AFF3: variants seen among roughly 807,000 people sequenced by gnomAD.
AFF3 encodes the protein ALF transcription elongation factor 3.
A neutral mutation model predicts 129.7 loss-of-function variants in AFF3; 32 were observed. The observed-to-expected ratio is 0.25, with a 90% confidence interval of 0.19 to 0.33. The LOEUF (loss-of-function observed/expected upper bound fraction) is 0.33, where lower values mean the gene tolerates loss of function less well. Ranked by LOEUF, AFF3 falls within the 10% of genes least tolerant of loss-of-function variation. AFF3 has a pLI of 1.00. For synonymous variants in AFF3, 644 were observed against 635.4 expected (o/e 1.01, Z -0.20); for missense variants, 1,373 against 1,592.0 (o/e 0.86, Z 2.34).
At chr2:99,972,812 T>C (rs1278962020) in intron 7 of AFF3, among the ~76,000 whole-genome samples, 1 of 152,164 alleles carries the variant, frequency 6.6e-6, no homozygotes, top group Non-Finnish European at 1.5e-5. Flanking sequence ...GAGGCAAAGA[T>C]ATGCCCCCAA....
At chr2:100,095,361 C>T (rs1259978018) in intron 4 of AFF3, among the ~76,000 whole-genome samples, 2 of 151,988 alleles carry the variant, frequency 1.3e-5, no homozygotes, top group East Asian at 1.9e-4. Context: ...AGTAATGTTG[C>T]ATATTACAAG....
intron 11 of AFF3, among the ~76,000 whole-genome samples, chr2:99,677,263 C>CAAAAAAA (rs386390727): frequency 9.5e-6 from 1 of 105,162 alleles, no homozygotes. Context: ...GACCCTGTCT[C>CAAAAAAA]AAAAAAAAAA....
intron 7 of AFF3, among the ~76,000 whole-genome samples, chr2:99,953,789 T>C (rs1676380457): frequency 6.6e-6 from 1 of 152,232 alleles, no homozygotes; most frequent in African/African-American, 2.4e-5. Flanking sequence ...ATCAGTGGGC[T>C]GGACACATGA....
intron 4 of AFF3, among the ~76,000 whole-genome samples, chr2:100,012,343 T>G (rs75209187): frequency 0.031 from 4,666 of 152,220 alleles, 231 homozygotes; most frequent in African/African-American, 0.1. Flanking sequence ...AGCTGCTTCT[T>G]AAAACTAACC....
At chr2:99,807,480 T>C (rs960542920) in intron 8 of AFF3, among the ~76,000 whole-genome samples, 2 of 152,148 alleles carry the variant, frequency 1.3e-5, no homozygotes, top group Non-Finnish European at 2.9e-5. Flanking sequence ...GGTGGAAAGG[T>C]CTTTTTGATA....
intron 14 of AFF3, among the ~76,000 whole-genome samples, chr2:99,600,734 C>T (rs554466815): frequency 1.3e-5 from 2 of 152,294 alleles, no homozygotes; most frequent in African/African-American, 4.8e-5. Context: ...AGCCCTCTCC[C>T]AAGAATCTTC....
At chr2:99,610,055 C>T (rs1680767550) in intron 13 of AFF3, among the ~76,000 whole-genome samples, 1 of 152,204 alleles carries the variant, frequency 6.6e-6, no homozygotes, top group African/African-American at 2.4e-5. Context: ...CATCTCCCCA[C>T]CATGCACCTT....
chr2:99,632,701 C>T (rs1161045958), intron 13 of AFF3, among the ~76,000 whole-genome samples: 3 of 152,200 alleles, frequency 2.0e-5, no homozygotes, highest in African/African-American at 7.2e-5. Flanking sequence ...AGAAAATTTC[C>T]CAGACTATCT....
Position 99,593,983 on chromosome 2 carries a change from C to T in AFF3, c.1678G>A (p.Ala560Thr), listed in dbSNP as rs540766075. Residue 560 changes from alanine (A) to threonine (T), a missense_variant, in exon 15 of 25, where the codon GCA (alanine) becomes ACA (threonine). Physicochemically the swap from Ala to Thr is moderately conservative, Grantham distance 58 (BLOSUM62 0). Transcript: ENST00000672756. ...GGCACTGCGGGTGGCGGGGCGGCTG[C>T]GCTCACCGCCACGGCCACGGCCGCG... The part of the protein sequence containing the change: ...PPAAVAVAVS[A>T]AAPPPAVPCA... 4 of 1,516,358 alleles carry T rather than the reference C, an allele frequency of 2.6e-6. No homozygotes were observed. Among genetic ancestry groups the T allele is most frequent in the South Asian group, 1.3e-5 (1 of 74,416 alleles). 93.9% of individuals were successfully genotyped at this position (1,516,358 alleles called of 1,614,324 possible).
intron 4 of AFF3, among the ~76,000 whole-genome samples, chr2:100,068,294 C>G (rs776674040): frequency 3.9e-5 from 6 of 152,124 alleles, no homozygotes; most frequent in Non-Finnish European, 8.8e-5. Context: ...CTAAGAAATA[C>G]AGAAAACAAA....
chr2:100,100,705 G>A (rs1690660624), intron 4 of AFF3, among the ~76,000 whole-genome samples: 1 of 152,200 alleles, frequency 6.6e-6, no homozygotes, highest in Non-Finnish European at 1.5e-5. Context: ...CCAGCACAAG[G>A]TCTTCTACTT....
At chr2:100,116,341 G>A (rs989300196) in intron 2 of AFF3, among the ~76,000 whole-genome samples, 1 of 151,636 alleles carries the variant, frequency 6.6e-6, no homozygotes, top group African/African-American at 2.4e-5. Flanking sequence ...TCTATTTACA[G>A]TTAATGTAAT....
Position 100,006,861 on chromosome 2 carries a change from T to C in AFF3, c.644A>G (p.Asn215Ser), listed in dbSNP as rs1438794558. 5 of 1,614,136 alleles carry C rather than the reference T, an allele frequency of 3.1e-6. No homozygotes were observed. Among genetic ancestry groups the C allele is most frequent in the South Asian group, 1.1e-5 (1 of 91,076 alleles). The change falls in exon 7 of 25, where the codon AAC (asparagine) becomes AGC (serine). Residue 215 changes from asparagine (N) to serine (S), a missense_variant. Physicochemically the swap from Asn to Ser is conservative, Grantham distance 46 (BLOSUM62 1). This residue lies in a region of AFF3 where 255 missense variants were observed against 256.0 expected (regional missense o/e 1.00). Transcript: ENST00000672756. ...KHSSSGHCVQ[N>S]FPPSLASKPS... The stretch of plus-strand genomic sequence containing the variant: ...TTTTGAAGCTAGGGATGGAGGAAAG[T>C]TCTGAACACAGTGTCCGCTGCTGCT...
At chr2:99,593,149 C>A (rs1243165240) in intron 15 of AFF3, 46 bp downstream of exon 15, 6 of 1,522,878 alleles carry the variant, frequency 3.9e-6, no homozygotes, top group Non-Finnish European at 4.4e-6. Flanking sequence ...TAAGAGATAG[C>A]CCCTTCCCCT....
chr2:100,117,094 A>G (rs531193992), intron 2 of AFF3, among the ~76,000 whole-genome samples: 2 of 152,160 alleles, frequency 1.3e-5, no homozygotes, highest in Non-Finnish European at 2.9e-5. Flanking sequence ...CAGTTTTACC[A>G]TAATGTACCT....
At chr2:99,879,327 C>G (rs762546794) in intron 7 of AFF3, among the ~76,000 whole-genome samples, 1 of 152,152 alleles carries the variant, frequency 6.6e-6, no homozygotes, top group Non-Finnish European at 1.5e-5. Context: ...CATCTTCCAG[C>G]TTATTTAAAT....
intron 7 of AFF3, among the ~76,000 whole-genome samples, chr2:99,838,853 C>T (rs1047801607): frequency 2.6e-5 from 4 of 152,228 alleles, no homozygotes; most frequent in African/African-American, 9.6e-5. Context: ...GTGACCGTTC[C>T]ATCACACTCT....
At chr2:99,566,801 A>G (rs1676010124) in intron 19 of AFF3, among the ~76,000 whole-genome samples, 1 of 152,168 alleles carries the variant, frequency 6.6e-6, no homozygotes, top group Non-Finnish European at 1.5e-5. Context: ...AGAATGACAT[A>G]ATACTCAAAT....
chr2:99,693,615 G>A (rs1575713085), intron 11 of AFF3, among the ~76,000 whole-genome samples: 2 of 152,142 alleles, frequency 1.3e-5, no homozygotes, highest in Non-Finnish European at 1.5e-5. Flanking sequence ...ATTTATGGCC[G>A]GTTCCTTAAG....
Sources: gnomAD v4.1 joint callset for allele counts (sites outside exome capture counted in the v4.1 genomes callset) on GRCh38, gnomAD v4.1.1 for gene constraint, gnomAD v4.1.1 regional missense constraint, MANE v1.5 for transcripts, NCBI Gene and HGNC (gene_info 2026-07-23, HGNC 2026-07-21) for gene names.